The following HMX1 variants were observed in gnomAD, a reference collection of about 807,000 sequenced individuals.
HMX1 encodes the protein H6 family homeobox 1.
Under a neutral mutation model 8.9 loss-of-function variants are expected in HMX1, and 8 were observed. The observed-to-expected ratio is 0.90, with a 90% CI of 0.53 to 1.63. HMX1 has a LOEUF of 1.63. HMX1 is among the 40% of genes most tolerant of loss of function. The pLI is 0.00. For missense variants in HMX1, 621 were observed against 558.5 expected, an observed-to-expected ratio of 1.11 and a Z score of -1.13; for synonymous variants, 311 against 283.4, an observed-to-expected ratio of 1.10 and a Z score of -0.98.
chr4:8,867,546 C>T lies in HMX1; in HGVS notation c.*147G>A, dbSNP rs886111577. 6 of 1,188,244 alleles carry T rather than the reference C, an allele frequency of 5.0e-6. No individual in the cohort carries two copies. The highest frequency in any genetic ancestry group is 5.2e-6 in the Non-Finnish European group (5 of 960,138). The allele number at this position is 1,188,244 out of a possible 1,614,324, so 73.6% of individuals were successfully genotyped here. On this transcript the variant is annotated 3_prime_UTR_variant, in exon 2 of 2. Transcript: ENST00000400677. ...CTCCCCACAGAAGCTGAGGCCCGCC[C>T]GGCCGCGGCCTGCGCTCCCGAGGTA...
At chr4:8,861,177 C>T (rs577179806) in intron 1 of HMX1, among the ~76,000 whole-genome samples, 1 of 152,258 alleles carries the variant, frequency 6.6e-6, no homozygotes, top group South Asian at 2.1e-4. Context: ...GCGCCGCTGC[C>T]CTCCTCTACC....
downstream of HMX1, among the ~76,000 whole-genome samples, chr4:8,866,131 C>T (rs962802798): frequency 2.6e-5 from 4 of 152,038 alleles, no homozygotes; most frequent in Non-Finnish European, 4.4e-5. Flanking sequence ...TGGGCCGGGG[C>T]GGGGGCTGGG....
In HMX1 at chr4:8,848,078, T is replaced by G. The variant is rs906425166; in HGVS notation, c.395-1754A>C. Among the ~76,000 whole-genome samples, 2 of 152,210 alleles carry G rather than the reference T, an allele frequency of 1.3e-5. No individual in the cohort carries two copies. Among genetic ancestry groups the G allele is most frequent in the African/African-American group, 4.8e-5 (2 of 41,458 alleles). The stretch of plus-strand genomic sequence containing the variant: ...AACACTGAAGTATGTTTGGAACAAC[T>G]TGGGTCTGAGAATCTGCTTTTTCAA... On this transcript the variant is annotated intron_variant, in intron 1 of 1. Coordinates refer to the HMX1 transcript ENST00000506970. The surrounding 1 kb of genome is among the most constrained non-coding windows in gnomAD (Gnocchi z 4.1).
rs1721394327 is a variant in HMX1, at chr4:8,849,945, G to A, written c.395-3621C>T. ...GGACACAGGTGGGCAGGTGACAAAGGAAGTGGCCAAGGGTGTGTCCCAAAC... is the reference window on the plus strand; with the variant it reads ...GGACACAGGTGGGCAGGTGACAAAGAAAGTGGCCAAGGGTGTGTCCCAAAC... On this transcript the variant is annotated intron_variant, in intron 1 of 1. Transcript: ENST00000506970. The surrounding 1 kb of genome is among the most constrained non-coding windows in gnomAD (Gnocchi z 6.6). Among the ~76,000 whole-genome samples, 1 of 152,208 alleles carries A rather than the reference G, an allele frequency of 6.6e-6. No homozygotes were observed. The highest frequency in any genetic ancestry group is 2.4e-5 in the African/African-American group (1 of 41,452).
At chr4:8,866,902 A>T (rs1722015882), downstream of HMX1, 1 of 180,030 alleles carries the variant, frequency 5.6e-6, no homozygotes, top group Non-Finnish European at 1.1e-5. Context: ...ATCACCTCCG[A>T]CTAGGGTCTG....
intron 1 of HMX1, among the ~76,000 whole-genome samples, chr4:8,860,393 G>A (rs1293429204): frequency 1.3e-5 from 2 of 152,214 alleles, no homozygotes; most frequent in East Asian, 1.9e-4. Context: ...ATGCACCCGC[G>A]CTCCCGTCAT....
intron 1 of HMX1, chr4:8,858,990 G>A (rs1459242342): frequency 6.6e-6 from 1 of 152,228 alleles, no homozygotes; most frequent in East Asian, 1.9e-4. Context: ...CCTCCTGGCT[G>A]GACCCACTCC....
In HMX1 at chr4:8,871,180, G is replaced by A. The variant is rs1171656920; in HGVS notation, c.394+41C>T. On this transcript the variant is annotated intron_variant, in intron 1 of 1. Transcript: ENST00000400677. This position sits in a 1 kb window ranked among gnomAD's most constrained non-coding sequence, Gnocchi z 4.8. ...CAGCAAATGCGCAGGGAGGAAGTCG[G>A]GCCCCACCGCCTGACCCACCCTCCC... 11 of 1,360,086 alleles carry A rather than the reference G, an allele frequency of 8.1e-6. No individual in the cohort carries two copies. The highest frequency in any genetic ancestry group is 1.0e-5 in the Non-Finnish European group (11 of 1,057,400). The allele number at this position is 1,360,086 out of a possible 1,614,324, so 84.3% of individuals were successfully genotyped here.
downstream of HMX1, among the ~76,000 whole-genome samples, chr4:8,865,101 C>T (rs140453735): frequency 5.2e-3 from 788 of 152,258 alleles, 12 homozygotes; most frequent in African/African-American, 0.018. Flanking sequence ...AGTCAGGTGA[C>T]TCCTGGAGTG....
At chr4:8,858,210 T>C (rs1034878784) in intron 1 of HMX1, among the ~76,000 whole-genome samples, 1 of 152,122 alleles carries the variant, frequency 6.6e-6, no homozygotes, top group Non-Finnish European at 1.5e-5. Context: ...CCGGATGTGC[T>C]GACGCTGCGG....
At chr4:8,850,191 T>A (rs974728120) in intron 1 of HMX1, among the ~76,000 whole-genome samples, 3 of 152,032 alleles carry the variant, frequency 2.0e-5, no homozygotes, top group Non-Finnish European at 4.4e-5. Context: ...AGATGGGGGT[T>A]CCCGGAAACC....
Position 8,867,410 on chromosome 4 carries a change from G to A in HMX1, c.*283C>T, listed in dbSNP as rs1035808669. 3.7e-6 allele frequency: 4 copies of A among 1,079,982 alleles called. No individual in the cohort carries two copies. Among genetic ancestry groups the A allele is most frequent in the Middle Eastern group, 4.0e-4 (1 of 2,470 alleles). 66.9% of individuals were successfully genotyped at this position (1,079,982 alleles called of 1,614,324 possible). A position where few individuals can be genotyped will look rare whatever the true frequency, so the allele number is the denominator to read the frequency against. On this transcript the variant is annotated 3_prime_UTR_variant, in exon 2 of 2. Transcript: ENST00000400677. The stretch of plus-strand genomic sequence containing the variant: ...CGACCGCTCCTCGCTGAGGCCGGGG[G>A]GTGGCCGTGGCGCCGGGGGCTGCGC...
At chr4:8,859,266 T>C (rs539517836) in intron 1 of HMX1, among the ~76,000 whole-genome samples, 16 of 151,802 alleles carry the variant, frequency 1.1e-4, no homozygotes, top group South Asian at 2.1e-4. Context: ...TTCTTGTCTA[T>C]ATAAACAGTT....
Position 8,847,694 on chromosome 4 carries a change from C to T in HMX1, c.395-1370G>A, listed in dbSNP as rs139167528. Reference sequence around the variant, plus strand: ...GCAGTGCCCAGATTTGAACCTGGAGCTGTGGTCTTTCCAGTATATGAGGCC... The same window carrying T: ...GCAGTGCCCAGATTTGAACCTGGAGTTGTGGTCTTTCCAGTATATGAGGCC... On this transcript the variant is annotated intron_variant, in intron 1 of 1. Coordinates refer to the HMX1 transcript ENST00000506970. This position sits in a 1 kb window ranked among gnomAD's most constrained non-coding sequence, Gnocchi z 6.0. Among the ~76,000 whole-genome samples, 1,461 of 152,324 alleles carry T rather than the reference C, an allele frequency of 9.6e-3. 26 individuals are homozygous for T. The highest frequency in any genetic ancestry group is 0.066 in the South Asian group (318 of 4,818).
In HMX1 at chr4:8,867,388, C is replaced by G; in HGVS notation, c.*305G>C. On this transcript the variant is annotated 3_prime_UTR_variant, in exon 2 of 2. Coordinates refer to ENST00000400677, the MANE Select transcript of HMX1 (RefSeq NM_018942.3). ...AGCTGCCCCGGGTGGCCATGGCCGA[C>G]CGCTCCTCGCTGAGGCCGGGGGGTG... is the stretch of plus-strand genomic sequence containing the variant. 1 of 1,054,342 alleles carries G rather than the reference C, an allele frequency of 9.5e-7. No homozygotes were observed. Among genetic ancestry groups the G allele is most frequent in the Middle Eastern group, 4.3e-4 (1 of 2,324 alleles). The allele number at this position is 1,054,342 out of a possible 1,614,324, so 65.3% of individuals were successfully genotyped here.
Position 8,867,727 on chromosome 4 carries a change from G to A in HMX1, c.1013C>T (p.Pro338Leu), listed in dbSNP as rs1334688475. ...LAAFPAAASV[P>L]FLRAQMPGLV Reference sequence around the variant, plus strand: ...GCCAGGCATCTGCGCCCGCAGAAAGGGCACGGAGGCGGCGGCCGGGAAGGC... The same window carrying A: ...GCCAGGCATCTGCGCCCGCAGAAAGAGCACGGAGGCGGCGGCCGGGAAGGC... Residue 338 changes from proline (P) to leucine (L), a missense_variant, in exon 2 of 2, where the codon CCC becomes CTC. Coordinates refer to ENST00000400677, the MANE Select transcript of HMX1 (RefSeq NM_018942.3). 34 of 1,288,118 alleles carry A rather than the reference G, an allele frequency of 2.6e-5. No individual in the cohort carries two copies. The highest frequency in any genetic ancestry group is 3.7e-5 in the Admixed American group (1 of 26,986). 79.8% of individuals were successfully genotyped at this position (1,288,118 alleles called of 1,614,324 possible). A position where few individuals can be genotyped will look rare whatever the true frequency, so the allele number is the denominator to read the frequency against.
intron 1 of HMX1, among the ~76,000 whole-genome samples, chr4:8,855,826 C>T (rs371106716): frequency 3.9e-5 from 6 of 152,114 alleles, no homozygotes; most frequent in African/African-American, 1.4e-4. Flanking sequence ...TGCCTGCTGA[C>T]CTGCAGAAGC....
rs547043692 is a variant in HMX1 at position 8,852,377 on chromosome 4, AT to A, written c.395-6054del. Among the ~76,000 whole-genome samples, 14 of 152,276 alleles carry A rather than the reference AT, an allele frequency of 9.2e-5. No individual in the cohort carries two copies. In the South Asian group the frequency reaches 2.3e-3, roughly 25 times the overall value. ...AGCAGCTGTAACGACCTTGGCTATC[AT>A]TTTTTGAGCACCTAGGACAGATGAG... On this transcript the variant is annotated intron_variant, in intron 1 of 1. Coordinates refer to the HMX1 transcript ENST00000506970.
In HMX1 at chr4:8,867,945, C is replaced by A. The variant is rs1957164492; in HGVS notation, c.795G>T (p.Glu265Asp). The change falls in exon 2 of 2, where the codon GAG (glutamate) becomes GAT (aspartate). Residue 265 changes from glutamate to aspartate, a missense_variant. Physicochemically the swap from Glu to Asp is conservative, Grantham distance 45. Coordinates refer to ENST00000400677, the MANE Select transcript of HMX1 (RefSeq NM_018942.3). ...RNKWKRQLAA[E>D]LEAASLSPPG... ...GCGGGGACAGGCTGGCCGCCTCCAG[C>A]TCGGCTGCCAGCTGCCGCTTCCACT... 1.3e-6 allele frequency: 2 copies of A among 1,486,028 alleles called. No homozygotes were observed. The highest frequency in any genetic ancestry group is 2.2e-5 in the Admixed American group (1 of 45,972). 92.1% of individuals were successfully genotyped at this position (1,486,028 alleles called of 1,614,324 possible). A position where few individuals can be genotyped will look rare whatever the true frequency, so the allele number is the denominator to read the frequency against.
Sources: gnomAD v4.1 joint callset for allele counts (sites outside exome capture counted in the v4.1 genomes callset) on GRCh38, gnomAD v4.1.1 for gene constraint, Gnocchi (gnomAD v3.1) non-coding constraint, MANE v1.5 for transcripts, NCBI Gene and HGNC (gene_info 2026-07-23, HGNC 2026-07-21) for gene names.